Variants in TUT4 observed in about 807,000 individuals in gnomAD.
TUT4 encodes the protein terminal uridylyltransferase 4.
In TUT4, 36 loss-of-function variants were observed where a neutral mutation model predicts 192.2. The ratio of observed to expected loss-of-function variants is 0.19; its 90% CI spans 0.14 to 0.25. TUT4 has a LOEUF of 0.25. Among genes scored for constraint, TUT4 ranks in the 10% least tolerant of loss-of-function variants. TUT4 has a pLI of 1.00. For missense variants in TUT4, 1,493 were observed against 1,957.2 expected (o/e 0.76, Z 4.47); for synonymous variants, 618 against 666.0 (o/e 0.93, Z 1.11).
chr1:52,552,156 A>T (rs1359007190), intron 1 of TUT4, among the ~76,000 whole-genome samples: 3 of 152,274 alleles, frequency 2.0e-5, no homozygotes, highest in Non-Finnish European at 4.4e-5. Flanking sequence ...TTAATACAAC[A>T]GTAATTCATC....
At chr1:52,513,934 G>C (rs1292656888) in intron 3 of TUT4, among the ~76,000 whole-genome samples, 1 of 152,096 alleles carries the variant, frequency 6.6e-6, no homozygotes. Flanking sequence ...AATAACACAA[G>C]TAAAGTTTTT....
At position 52,474,979 on chromosome 1, in the gene TUT4, ACT is replaced by A; in HGVS notation, c.2578_2579del (p.Ser860PhefsTer24). ...TDCRSNLETESSHQSVCTDTS... is the reference protein window; with the variant it reads ...TDCRSNLETEXSHQSVCTDTS... ...TGTCGGTGCACACACTCTGATGTGA[ACT>A]CTCTGTTTCTAAATTTGACCTGCAG... On this transcript the variant is annotated frameshift_variant, in exon 13 of 30. Transcript: ENST00000257177. LOFTEE classifies it high-confidence loss of function. 1.2e-6 allele frequency: 2 copies of A among 1,614,110 alleles called. No homozygotes were observed. Among genetic ancestry groups the A allele is most frequent in the African/African-American group, 1.3e-5 (1 of 75,024 alleles).
intron 9 of TUT4, among the ~76,000 whole-genome samples, chr1:52,487,010 A>C (rs1424646028): frequency 6.6e-6 from 1 of 152,326 alleles, no homozygotes; most frequent in Non-Finnish European, 1.5e-5. Context: ...ACAAAGAAGC[A>C]ACTGTGTATT....
chr1:52,498,544 G>A (rs1339743362), intron 4 of TUT4, among the ~76,000 whole-genome samples: 3 of 150,756 alleles, frequency 2.0e-5, no homozygotes, highest in Non-Finnish European at 3.0e-5. Flanking sequence ...GCGCCCGGCC[G>A]TTTCACTTAG....
rs571912632 is a variant in TUT4, at chr1:52,475,219, G to A, written c.2340C>T (p.Asn780=). 6 of 1,614,080 alleles carry A rather than the reference G, an allele frequency of 3.7e-6. No individual in the cohort carries two copies. In the South Asian group the frequency reaches 4.4e-5, roughly 12 times the overall value. The change falls in exon 13 of 30, where the codon AAC becomes AAT. Residue 780 remains asparagine, a synonymous_variant. Transcript: ENST00000257177. ...CTAGTTCATTTACCAACAAATTGTT[G>A]TTGTCAATAATACATCTCTGTGATG... The part of the protein sequence containing the change: ...DCTSQRCIID[N]NNLLVNELDF...
At chr1:52,463,267 A>G (rs1663125232) in intron 16 of TUT4, 1 of 988,120 alleles carries the variant, frequency 1.0e-6, no homozygotes. Flanking sequence ...ATCATTTCCT[A>G]TTCCCTCAAT....
At chr1:52,428,236 C>T (rs1028824603) in intron 28 of TUT4, among the ~76,000 whole-genome samples, 11 of 152,156 alleles carry the variant, frequency 7.2e-5, no homozygotes, top group Non-Finnish European at 1.3e-4. Flanking sequence ...GCCTGTAAAT[C>T]CAGCACTTTG....
intron 16 of TUT4, chr1:52,463,522 C>T: frequency 2.6e-6 from 3 of 1,137,576 alleles, no homozygotes; most frequent in Non-Finnish European, 3.3e-6. Flanking sequence ...CACTATTCTG[C>T]TGAATTCTTT....
At chr1:52,427,289 G>A (rs970103292) in intron 28 of TUT4, among the ~76,000 whole-genome samples, 1 of 152,108 alleles carries the variant, frequency 6.6e-6, no homozygotes, top group Admixed American at 6.6e-5. Flanking sequence ...GCCAAGCTTT[G>A]AGGCAGCACA....
At chr1:52,504,253 G>C (rs1190844212) in intron 4 of TUT4, among the ~76,000 whole-genome samples, 1 of 152,078 alleles carries the variant, frequency 6.6e-6, no homozygotes, top group Non-Finnish European at 1.5e-5. Context: ...AGCTTAACTA[G>C]ATTATTATGA....
intron 6 of TUT4, among the ~76,000 whole-genome samples, chr1:52,494,586 G>A (rs1038239169): frequency 2.6e-5 from 4 of 152,172 alleles, no homozygotes; most frequent in Admixed American, 2.6e-4. Flanking sequence ...CAGCTACTCA[G>A]GAGGCTGAGA....
At chr1:52,509,772 CTATA>C in intron 3 of TUT4, 60 bp from the exon 4 acceptor site, 1 of 949,854 alleles carries the variant, frequency 1.1e-6, no homozygotes, top group Admixed American at 1.8e-5. Flanking sequence ...AAACTATTGA[CTATA>C]TAAGTGAATA....
chr1:52,489,453 T>C (rs1222614470), intron 8 of TUT4, among the ~76,000 whole-genome samples: 2 of 152,226 alleles, frequency 1.3e-5, no homozygotes, highest in Non-Finnish European at 2.9e-5. Flanking sequence ...AAAAAATGAA[T>C]ACTTAACTGA....
At chr1:52,447,997 T>C (rs1311938196) in intron 20 of TUT4, among the ~76,000 whole-genome samples, 1 of 152,212 alleles carries the variant, frequency 6.6e-6, no homozygotes, top group East Asian at 1.9e-4. Flanking sequence ...TGACAGTGAT[T>C]TATAAAATTA....
Position 52,431,043 on chromosome 1 carries a change from G to A in TUT4, c.4681C>T (p.Leu1561=). Residue 1561 remains leucine (L), a synonymous_variant, in exon 28 of 30, where the codon CTG becomes TTG. Transcript: ENST00000257177. ...TTCCCCACTGCACCACTGTTTACCA[G>A]GGAATTTGGAGCCACAGTACGGGGC... The part of the protein sequence containing the change: ...HWPRTVAPNS[L]VNSGAVGNSE... 1.2e-6 allele frequency: 2 copies of A among 1,600,724 alleles called. No homozygotes were observed. The highest frequency in any genetic ancestry group is 1.7e-6 in the Non-Finnish European group (2 of 1,169,468).
chr1:52,471,150 G>A (rs1665666040), intron 14 of TUT4, among the ~76,000 whole-genome samples: 1 of 151,530 alleles, frequency 6.6e-6, no homozygotes, highest in African/African-American at 2.4e-5. Flanking sequence ...CCGAGTAACT[G>A]GGACTACAGG....
At chr1:52,477,911 A>C in intron 11 of TUT4, 29 bp from the exon 12 acceptor site, 4 of 1,547,926 alleles carry the variant, frequency 2.6e-6, no homozygotes, top group Non-Finnish European at 3.5e-6. Flanking sequence ...TTTTCATTTA[A>C]GCTTAACAAA....
chr1:52,469,758 C>CACG (rs1011284949), intron 14 of TUT4, among the ~76,000 whole-genome samples: 6 of 151,896 alleles, frequency 4.0e-5, no homozygotes, highest in African/African-American at 1.5e-4. Flanking sequence ...GGCGTGATGG[C>CACG]ACGAGCCTGT....
At chr1:52,521,039 C>G (rs1434819102) in intron 2 of TUT4, among the ~76,000 whole-genome samples, 1 of 152,146 alleles carries the variant, frequency 6.6e-6, no homozygotes, top group African/African-American at 2.4e-5. Context: ...GGTGATCCGC[C>G]TGCCTCGGCC....
Sources: gnomAD v4.1 joint callset for allele counts (sites outside exome capture counted in the v4.1 genomes callset) on GRCh38, gnomAD v4.1.1 for gene constraint, MANE v1.5 for transcripts, NCBI Gene and HGNC (gene_info 2026-07-23, HGNC 2026-07-21) for gene names.